Variants in CNOT2 observed in about 807,000 individuals in gnomAD.
The protein encoded by CNOT2 is CC chemokine receptor 4-negative regulator of transcription 2.
A neutral mutation model predicts 72.1 loss-of-function variants in CNOT2; 7 were observed. The observed-to-expected ratio is 0.10, with a 90% CI of 0.06 to 0.18. The LOEUF (loss-of-function observed/expected upper bound fraction) is 0.18, where lower values mean the gene tolerates loss of function less well. Among genes scored for constraint, CNOT2 ranks in the 10% least tolerant of loss-of-function variants. The pLI is 1.00. For synonymous variants in CNOT2, 196 were observed against 225.6 expected (o/e 0.87, Z 1.17); for missense variants, 345 against 660.3 (o/e 0.52, Z 5.23).
At chr12:70,270,033 G>C (rs1275413355) in intron 1 of CNOT2, among the ~76,000 whole-genome samples, 1 of 152,152 alleles carries the variant, frequency 6.6e-6, no homozygotes, top group African/African-American at 2.4e-5. Context: ...TAAATCCATA[G>C]AGAACAATTG....
chr12:70,344,169 C>T lies in CNOT2; in HGVS notation c.1332C>T (p.Leu444=). 6.2e-7 allele frequency: 1 copy of T among 1,612,746 alleles called. No homozygotes were observed. Among genetic ancestry groups the T allele is most frequent in the African/African-American group, 1.3e-5 (1 of 74,986 alleles). Residue 444 remains leucine, a synonymous_variant, in exon 14 of 16, where the codon CTC becomes CTT. Coordinates refer to ENST00000229195, the MANE Select transcript of CNOT2 (RefSeq NM_014515.7). ...IKLGRYGEDL[L]FYLYYMNGGD... ...TTGGCCGATATGGTGAAGACCTTCTCTTCTATCTCTATTACATGAATGGAG... is the reference window on the plus strand; with the variant it reads ...TTGGCCGATATGGTGAAGACCTTCTTTTCTATCTCTATTACATGAATGGAG...
At chr12:70,343,026 G>C (rs1347580373) in intron 13 of CNOT2, among the ~76,000 whole-genome samples, 1 of 152,088 alleles carries the variant, frequency 6.6e-6, no homozygotes, top group African/African-American at 2.4e-5. Context: ...GGCAAGTAAA[G>C]GGATACCTTT....
intron 2 of CNOT2, among the ~76,000 whole-genome samples, chr12:70,299,245 TAA>T (rs1593163576): frequency 6.6e-6 from 1 of 152,160 alleles, no homozygotes; most frequent in East Asian, 1.9e-4. Flanking sequence ...TATTATACTT[TAA>T]GTTTTAAGGT....
intron 11 of CNOT2, among the ~76,000 whole-genome samples, chr12:70,339,312 G>A (rs543058422): frequency 6.6e-6 from 1 of 151,904 alleles, no homozygotes; most frequent in Non-Finnish European, 1.5e-5. Flanking sequence ...TTCTAGTACT[G>A]TGATTCCTGT....
At chr12:70,293,954 TG>T in intron 2 of CNOT2, 4 of 258,072 alleles carry the variant, frequency 1.5e-5, no homozygotes, top group Non-Finnish European at 2.3e-5. Flanking sequence ...CTTAGTACTT[TG>T]AATTAGTCTG....
intron 9 of CNOT2, chr12:70,337,983 A>G (rs1364653737): frequency 4.2e-6 from 1 of 240,032 alleles, no homozygotes; most frequent in Non-Finnish European, 8.2e-6. Flanking sequence ...TATTAAAATA[A>G]TTGATAAAGA....
intron 3 of CNOT2, among the ~76,000 whole-genome samples, chr12:70,312,831 T>C (rs1310250493): frequency 6.6e-6 from 1 of 151,986 alleles, no homozygotes; most frequent in Admixed American, 6.5e-5. Context: ...TGTTACTTTT[T>C]TAAAATTACA....
chr12:70,326,389 T>C (rs889792390), intron 4 of CNOT2, among the ~76,000 whole-genome samples: 1 of 148,026 alleles, frequency 6.8e-6, no homozygotes, highest in African/African-American at 2.4e-5. Context: ...TTTATACATA[T>C]TTATATTTTT....
chr12:70,342,056 A>C (rs141124311), intron 11 of CNOT2, 51 bp from the exon 12 acceptor site: 9 of 1,094,512 alleles, frequency 8.2e-6, no homozygotes, highest in African/African-American at 6.2e-5. Flanking sequence ...AAATAAAATT[A>C]GAAATCTCTT....
intron 4 of CNOT2, 55 bp downstream of exon 4, chr12:70,319,419 C>T: frequency 2.0e-6 from 3 of 1,517,064 alleles, no homozygotes; most frequent in Non-Finnish European, 2.7e-6. Flanking sequence ...AAATAAGTAA[C>T]TACCAAATAA....
At chr12:70,260,914 T>C (rs1156621692) in intron 1 of CNOT2, among the ~76,000 whole-genome samples, 1 of 150,806 alleles carries the variant, frequency 6.6e-6, no homozygotes, top group Non-Finnish European at 1.5e-5. Context: ...GAAATAGAAA[T>C]GGCAATTCTG....
At chr12:70,258,450 A>T (rs534014765) in intron 1 of CNOT2, among the ~76,000 whole-genome samples, 3 of 152,240 alleles carry the variant, frequency 2.0e-5, no homozygotes, top group Non-Finnish European at 4.4e-5. Flanking sequence ...AATCACTTTC[A>T]TATCTGTGGA....
chr12:70,292,929 T>C (rs1451527784), intron 2 of CNOT2, among the ~76,000 whole-genome samples: 1 of 152,210 alleles, frequency 6.6e-6, no homozygotes, highest in Non-Finnish European at 1.5e-5. Flanking sequence ...AATTACTTCC[T>C]GTAACATAAA....
chr12:70,323,418 A>G (rs1263874055), intron 4 of CNOT2: 1 of 151,848 alleles, frequency 6.6e-6, no homozygotes. Flanking sequence ...ATGTAGTAGA[A>G]TAAGAAGTTC....
chr12:70,351,866 G>T (rs746202793), intron 15 of CNOT2, among the ~76,000 whole-genome samples: 1 of 152,160 alleles, frequency 6.6e-6, no homozygotes, highest in Non-Finnish European at 1.5e-5. Flanking sequence ...GCTACACAGT[G>T]TATTAGGGCA....
chr12:70,286,585 T>C (rs1287327388), intron 2 of CNOT2, among the ~76,000 whole-genome samples: 3 of 149,974 alleles, frequency 2.0e-5, no homozygotes, highest in Non-Finnish European at 4.4e-5. Context: ...CTTATGTCTC[T>C]GTTACCTTGA....
chr12:70,244,690 G>A (rs375494820), intron 1 of CNOT2, among the ~76,000 whole-genome samples: 2 of 152,158 alleles, frequency 1.3e-5, no homozygotes, highest in African/African-American at 4.8e-5. Context: ...CTTGGTCAGA[G>A]AATCCCACTC....
At chr12:70,278,577 CA>C (rs1273124687) in intron 2 of CNOT2, 1 of 290,496 alleles carries the variant, frequency 3.4e-6, no homozygotes, top group Non-Finnish European at 6.4e-6. Context: ...ATGGTAAAAA[CA>C]AAAGTGTTGA....
intron 1 of CNOT2, among the ~76,000 whole-genome samples, chr12:70,266,025 A>T (rs1959023217): frequency 6.6e-6 from 1 of 150,992 alleles, no homozygotes; most frequent in African/African-American, 2.4e-5. Flanking sequence ...TTTTAAAAGA[A>T]CTAAGATGCA....
Sources: allele counts gnomAD v4.1 joint callset (sites outside exome capture counted in the v4.1 genomes callset), GRCh38; gene constraint gnomAD v4.1.1; transcripts MANE v1.5; gene names NCBI Gene and HGNC (gene_info 2026-07-23, HGNC 2026-07-21).